Variants in EDIL3 observed in about 807,000 individuals in gnomAD.
The protein encoded by EDIL3 is EGF-like repeat and discoidin I-like domain-containing protein 3.
EDIL3 carries 37 observed loss-of-function variants against 67.4 expected under a neutral mutation model. The observed-to-expected ratio is 0.55, with a 90% CI of 0.42 to 0.72. The LOEUF (loss-of-function observed/expected upper bound fraction) is 0.72. EDIL3 is among the 30% of genes least tolerant of loss of function. EDIL3 has a pLI of 0.00. For missense variants in EDIL3, 527 were observed against 586.3 expected (o/e 0.90, Z 1.04); for synonymous variants, 195 against 196.3 (o/e 0.99, Z 0.05).
At chr5:84,068,182 T>A (rs905610810) in intron 6 of EDIL3, among the ~76,000 whole-genome samples, 2 of 152,226 alleles carry the variant, frequency 1.3e-5, no homozygotes, top group African/African-American at 4.8e-5. Context: ...TTAGGTCAAT[T>A]AGCACATCGC....
At chr5:84,206,575 C>G (rs1221777683) in intron 3 of EDIL3, among the ~76,000 whole-genome samples, 1 of 152,072 alleles carries the variant, frequency 6.6e-6, no homozygotes, top group Non-Finnish European at 1.5e-5. Flanking sequence ...ATACCAAAGC[C>G]AGGCAGAGAC....
chr5:84,169,892 T>C (rs1368071549), intron 4 of EDIL3, among the ~76,000 whole-genome samples: 3 of 152,156 alleles, frequency 2.0e-5, no homozygotes, highest in African/African-American at 7.2e-5. Flanking sequence ...TTTTTACTTA[T>C]CTGGGATAAA....
At chr5:84,101,740 T>C (rs1747368927) in intron 6 of EDIL3, among the ~76,000 whole-genome samples, 1 of 151,884 alleles carries the variant, frequency 6.6e-6, no homozygotes, top group Non-Finnish European at 1.5e-5. Flanking sequence ...CTACCAGATA[T>C]ACAAAGAAGA....
At chr5:84,013,707 T>A (rs1580279358) in intron 9 of EDIL3, among the ~76,000 whole-genome samples, 1 of 152,184 alleles carries the variant, frequency 6.6e-6, no homozygotes, top group South Asian at 2.1e-4. Context: ...GATGTTCCTA[T>A]TCAAGTCTAA....
chr5:84,347,610 T>A (rs1245060680), intron 1 of EDIL3, among the ~76,000 whole-genome samples: 2 of 152,218 alleles, frequency 1.3e-5, no homozygotes, highest in Non-Finnish European at 2.9e-5. Flanking sequence ...AAAATTCTAG[T>A]CACATTAAAG....
At chr5:84,371,341 ATGTGTGTG>A (rs1554044710) in intron 1 of EDIL3, among the ~76,000 whole-genome samples, 52 of 129,590 alleles carry the variant, frequency 4.0e-4, no homozygotes, top group Admixed American at 9.8e-4. Flanking sequence ...ATATATATAT[ATGTGTGTG>A]TGTATATATA....
At chr5:84,207,518 A>C (rs964990061) in intron 3 of EDIL3, among the ~76,000 whole-genome samples, 1 of 152,118 alleles carries the variant, frequency 6.6e-6, no homozygotes, top group African/African-American at 2.4e-5. Context: ...GCTACCAATG[A>C]CTTTCCTCAC....
chr5:84,378,522 C>A (rs1748015081), intron 1 of EDIL3, among the ~76,000 whole-genome samples: 1 of 152,172 alleles, frequency 6.6e-6, no homozygotes, highest in Non-Finnish European at 1.5e-5. Context: ...ACTTCATATG[C>A]TTTTCACTTT....
intron 9 of EDIL3, among the ~76,000 whole-genome samples, chr5:83,990,263 C>T (rs1408444326): frequency 1.3e-5 from 2 of 152,004 alleles, no homozygotes; most frequent in Non-Finnish European, 2.9e-5. Flanking sequence ...CCAAGGCAGG[C>T]AGATCACAAA....
At chr5:84,072,617 A>G (rs1438676175) in intron 6 of EDIL3, among the ~76,000 whole-genome samples, 2 of 152,212 alleles carry the variant, frequency 1.3e-5, no homozygotes, top group East Asian at 3.8e-4. Flanking sequence ...ATTCTATTTA[A>G]AAAATGTATC....
At chr5:84,048,204 C>A in intron 9 of EDIL3, 1 of 422,168 alleles carries the variant, frequency 2.4e-6, no homozygotes, top group Non-Finnish European at 4.7e-6. Context: ...CAGAATAATC[C>A]TTCATATTGA....
chr5:84,306,795 C>T (rs917263594), intron 1 of EDIL3, among the ~76,000 whole-genome samples: 4 of 152,206 alleles, frequency 2.6e-5, no homozygotes, highest in African/African-American at 9.6e-5. Flanking sequence ...GAAAGTCACA[C>T]TTTCCAAACT....
chr5:84,343,135 C>G (rs1747159851), intron 1 of EDIL3, among the ~76,000 whole-genome samples: 1 of 151,696 alleles, frequency 6.6e-6, no homozygotes, highest in African/African-American at 2.4e-5. Context: ...TAGAGAGAAA[C>G]TGAAAACAGT....
intron 1 of EDIL3, among the ~76,000 whole-genome samples, chr5:84,326,498 C>T (rs1580079629): frequency 7.3e-6 from 1 of 137,764 alleles, no homozygotes; most frequent in East Asian, 2.0e-4. Flanking sequence ...TATTTAATAC[C>T]ACCAAGCCCT....
chr5:84,079,616 G>T (rs1746926821), intron 6 of EDIL3, among the ~76,000 whole-genome samples: 1 of 151,874 alleles, frequency 6.6e-6, no homozygotes. Flanking sequence ...TCCTACTAGG[G>T]CTTTTGCTTG....
chr5:84,128,142 C>T (rs1747898853), intron 5 of EDIL3, among the ~76,000 whole-genome samples: 1 of 152,108 alleles, frequency 6.6e-6, no homozygotes, highest in South Asian at 2.1e-4. Context: ...TAGGGTCACA[C>T]TAGCTGTTGC....
At chr5:84,316,406 AT>A (rs1327235871) in intron 1 of EDIL3, among the ~76,000 whole-genome samples, 1 of 152,112 alleles carries the variant, frequency 6.6e-6, no homozygotes, top group Non-Finnish European at 1.5e-5. Flanking sequence ...AAATTAAGGG[AT>A]GGAGGAAGAT....
chr5:84,034,570 T>G (rs1410485925), intron 9 of EDIL3, among the ~76,000 whole-genome samples: 2 of 152,180 alleles, frequency 1.3e-5, no homozygotes, highest in African/African-American at 2.4e-5. Flanking sequence ...CTTGCTATAA[T>G]TTTACCTACC....
chr5:84,009,959 T>C (rs905543611), intron 9 of EDIL3, among the ~76,000 whole-genome samples: 2 of 152,232 alleles, frequency 1.3e-5, no homozygotes, highest in African/African-American at 4.8e-5. Flanking sequence ...GTTTCATTGG[T>C]AATGACTCGA....
Sources: gnomAD v4.1 joint callset for allele counts (sites outside exome capture counted in the v4.1 genomes callset) on GRCh38, gnomAD v4.1.1 for gene constraint, MANE v1.5 for transcripts, NCBI Gene and HGNC (gene_info 2026-07-23, HGNC 2026-07-21) for gene names.